SMCHD1: variants seen among roughly 807,000 people sequenced by gnomAD.
The protein encoded by SMCHD1 is structural maintenance of chromosomes flexible hinge domain-containing protein 1.
SMCHD1 carries 78 observed loss-of-function variants against 254.7 expected under a neutral mutation model. That is an observed-to-expected ratio of 0.31 (90% CI 0.26 to 0.37). The LOEUF (loss-of-function observed/expected upper bound fraction) is 0.37. Among genes scored for constraint, SMCHD1 ranks in the 10% least tolerant of loss-of-function variants. SMCHD1 has a pLI of 1.00. For synonymous variants in SMCHD1, 766 were observed against 794.9 expected (o/e 0.96, Z 0.61); for missense variants, 1,840 against 2,408.1 (o/e 0.76, Z 4.94).
chr18:2,796,591 G>C (rs1406956875), intron 47 of SMCHD1, 70 bp downstream of exon 47: 1 of 1,025,546 alleles, frequency 9.8e-7, no homozygotes, highest in Non-Finnish European at 1.5e-6. Flanking sequence ...TGATAGCTTT[G>C]TTTTTTTGAG....
intron 36 of SMCHD1, among the ~76,000 whole-genome samples, chr18:2,763,250 G>A (rs926187386): frequency 2.5e-4 from 38 of 152,146 alleles, no homozygotes; most frequent in African/African-American, 8.9e-4. Flanking sequence ...ACACATATAG[G>A]CCTATTGGTT....
intron 43 of SMCHD1, 114 bp downstream of exon 43, chr18:2,778,029 T>C: frequency 2.0e-6 from 2 of 1,000,762 alleles, no homozygotes; most frequent in South Asian, 3.5e-5. Flanking sequence ...AGTCATAGTT[T>C]TATCAGTTTT....
chr18:2,726,895 T>TAATG (rs1252028511), intron 22 of SMCHD1: 1 of 155,588 alleles, frequency 6.4e-6, no homozygotes, highest in Non-Finnish European at 1.4e-5. Context: ...GTTAACTTGA[T>TAATG]AATGACTTAA....
intron 44 of SMCHD1, 27 bp downstream of exon 44, chr18:2,778,266 T>G (rs2076098999): frequency 6.6e-7 from 1 of 1,511,560 alleles, no homozygotes; most frequent in Admixed American, 1.8e-5. Context: ...TTTTTAAATT[T>G]GTAGACTTCA....
intron 45 of SMCHD1, among the ~76,000 whole-genome samples, chr18:2,795,717 T>G (rs1185615513): frequency 6.6e-6 from 1 of 152,254 alleles, no homozygotes; most frequent in Non-Finnish European, 1.5e-5. Context: ...AACTCTTCCC[T>G]GACACAGAAG....
chr18:2,665,428 C>T (rs1280525563), intron 1 of SMCHD1, among the ~76,000 whole-genome samples: 2 of 151,996 alleles, frequency 1.3e-5, no homozygotes, highest in African/African-American at 2.4e-5. Flanking sequence ...TCAAGTGATT[C>T]TCCTGCCTTG....
intron 17 of SMCHD1, among the ~76,000 whole-genome samples, chr18:2,714,686 T>C (rs1158514265): frequency 6.6e-6 from 1 of 152,158 alleles, no homozygotes; most frequent in Non-Finnish European, 1.5e-5. Context: ...TGGCTAGTAT[T>C]GACCATTTGT....
chr18:2,752,457 C>G, intron 33 of SMCHD1, 31 bp from the exon 34 acceptor site: 2 of 1,495,772 alleles, frequency 1.3e-6, no homozygotes, highest in East Asian at 2.3e-5. Context: ...TCATTTTCCC[C>G]TCTCCCCTTC....
intron 32 of SMCHD1, among the ~76,000 whole-genome samples, chr18:2,750,858 G>A (rs2347808): frequency 0.51 from 77,492 of 151,742 alleles, 20,373 homozygotes; most frequent in East Asian, 0.81. Flanking sequence ...AGACTATACC[G>A]TATATAAAGT....
chr18:2,678,916 C>T (rs2143879972), intron 5 of SMCHD1, among the ~76,000 whole-genome samples: 1 of 150,116 alleles, frequency 6.7e-6, no homozygotes, highest in East Asian at 2.0e-4. Context: ...AGTGCAATCT[C>T]AGCTCGCTGC....
chr18:2,702,576 G>C (rs2074427625), intron 12 of SMCHD1, among the ~76,000 whole-genome samples: 1 of 152,114 alleles, frequency 6.6e-6, no homozygotes, highest in Non-Finnish European at 1.5e-5. Context: ...CTGGCAAACT[G>C]ACAACAATGA....
At chr18:2,781,275 G>A (rs537288891) in intron 44 of SMCHD1, among the ~76,000 whole-genome samples, 9 of 152,222 alleles carry the variant, frequency 5.9e-5, no homozygotes, top group South Asian at 2.1e-4. Flanking sequence ...GGCACTAAGC[G>A]GAAAAGTAAA....
At chr18:2,679,553 A>C (rs2073877291) in intron 5 of SMCHD1, among the ~76,000 whole-genome samples, 1 of 148,872 alleles carries the variant, frequency 6.7e-6, no homozygotes, top group African/African-American at 2.5e-5. Context: ...ATGTTCGTTC[A>C]CTGCCTTCTG....
At chr18:2,736,170 T>C (rs1278848053) in intron 25 of SMCHD1, among the ~76,000 whole-genome samples, 1 of 152,184 alleles carries the variant, frequency 6.6e-6, no homozygotes, top group Admixed American at 6.5e-5. Flanking sequence ...GGACTCCCTA[T>C]TCAATAAATG....
chr18:2,689,906 CCCA>C (rs1471952447), intron 7 of SMCHD1, among the ~76,000 whole-genome samples: 9 of 149,474 alleles, frequency 6.0e-5, no homozygotes, highest in Non-Finnish European at 1.0e-4. Context: ...CGCCTGTAGT[CCCA>C]GCAGCTCAGC....
At position 2,750,385 on chromosome 18, in the gene SMCHD1, AC is replaced by A; in HGVS notation, c.4044del (p.Asn1348LysfsTer5). ...EHTLQVKAIY[N>X]KSIIEGPIIK... ...ACTCTTCAGGTTAAAGCCATCTATAACAAAAGTATCATAGAAGGACCTATAA... is the reference window on the plus strand; with the variant it reads ...ACTCTTCAGGTTAAAGCCATCTATAAAAAAGTATCATAGAAGGACCTATAA... On this transcript the variant is annotated frameshift_variant, in exon 32 of 48. Transcript: ENST00000320876. LOFTEE classifies it high-confidence loss of function. The A allele has an allele frequency of 6.2e-7, 1 of 1,612,928 alleles. No individual in the cohort carries two copies. The highest frequency in any genetic ancestry group is 8.5e-7 in the Non-Finnish European group (1 of 1,179,260).
rs530971775 is a variant in SMCHD1 at position 2,720,041 on chromosome 18, G to A, written c.2458+1607G>A. Among the ~76,000 whole-genome samples, 4 of 151,708 alleles carry A rather than the reference G, an allele frequency of 2.6e-5. No individual in the cohort carries two copies. In the East Asian group the frequency reaches 7.8e-4, roughly 29 times the overall value. ...CTTGCTATGTTATGTTGCCCATTTC[G>A]GCCTCAAACACCTGGCCTCAAGCCA... On this transcript the variant is annotated intron_variant, in intron 19 of 47. Transcript: ENST00000320876.
intron 1 of SMCHD1, among the ~76,000 whole-genome samples, chr18:2,658,094 A>G (rs960505272): frequency 1.3e-5 from 2 of 152,218 alleles, no homozygotes; most frequent in Non-Finnish European, 2.9e-5. Flanking sequence ...GTGGAAAAAC[A>G]TCTTTGAATA....
In SMCHD1 at chr18:2,803,902, T is replaced by C. The variant is rs2076406405; in HGVS notation, c.*1350T>C. ...TATTTTGGAATATTTGCATTATATT[T>C]ACCAATTTAGCATCCCTAATCCAAA... On this transcript the variant is annotated 3_prime_UTR_variant, in exon 48 of 48. Transcript: ENST00000320876. 1 of 152,204 alleles carries C rather than the reference T, an allele frequency of 6.6e-6. No homozygotes were observed. Among genetic ancestry groups the C allele is most frequent in the South Asian group, 2.1e-4 (1 of 4,832 alleles). The allele number at this position is 152,204 out of a possible 1,614,324, so 9.4% of individuals were successfully genotyped here.
Sources: allele counts gnomAD v4.1 joint callset (sites outside exome capture counted in the v4.1 genomes callset), GRCh38; gene constraint gnomAD v4.1.1; transcripts MANE v1.5; gene names NCBI Gene and HGNC (gene_info 2026-07-23, HGNC 2026-07-21).